The following STK3 variants were observed in gnomAD, a reference collection of about 807,000 sequenced individuals.
STK3 encodes serine/threonine-protein kinase 3.
In STK3, 41 loss-of-function variants were observed where a neutral mutation model predicts 58.0. The ratio of observed to expected loss-of-function variants is 0.71; its 90% CI spans 0.55 to 0.92. STK3 has a LOEUF of 0.92. Ranked by LOEUF, STK3 falls within the 40% of genes least tolerant of loss-of-function variation. The pLI is 0.00. For synonymous variants in STK3, 170 were observed against 191.0 expected (o/e 0.89, Z 0.91); for missense variants, 479 against 602.7 (o/e 0.79, Z 2.15).
At chr8:98,419,650 C>T (rs562674498) in intron 3 of STK3, among the ~76,000 whole-genome samples, 1 of 152,298 alleles carries the variant, frequency 6.6e-6, no homozygotes, top group East Asian at 1.9e-4. Context: ...CTTTCCTGTG[C>T]CCCCTGTCTC....
intron 6 of STK3, among the ~76,000 whole-genome samples, chr8:98,613,920 A>G (rs1817415849): frequency 6.6e-6 from 1 of 152,202 alleles, no homozygotes; most frequent in African/African-American, 2.4e-5. Flanking sequence ...GATAAAGGAG[A>G]CTTCAGCAAA....
At chr8:98,491,187 G>C (rs934291035) in intron 10 of STK3, among the ~76,000 whole-genome samples, 2 of 151,080 alleles carry the variant, frequency 1.3e-5, no homozygotes, top group Admixed American at 6.6e-5. Context: ...GAGAGAGAGA[G>C]AGAGAGAGAG....
At chr8:98,420,725 T>G (rs1586554825) in intron 3 of STK3, among the ~76,000 whole-genome samples, 1 of 151,896 alleles carries the variant, frequency 6.6e-6, no homozygotes, top group East Asian at 1.9e-4. Flanking sequence ...TTAAATGAGG[T>G]AATAATAGTA....
intron 3 of STK3, among the ~76,000 whole-genome samples, chr8:98,877,482 T>G (rs544736358): frequency 1.9e-4 from 29 of 152,100 alleles, no homozygotes; most frequent in African/African-American, 3.9e-4. Context: ...TTTTTTTGTT[T>G]GTTTTTTTGG....
chr8:98,766,611 T>C (rs1362731818), intron 3 of STK3, among the ~76,000 whole-genome samples: 1 of 152,194 alleles, frequency 6.6e-6, no homozygotes, highest in East Asian at 1.9e-4. Context: ...AGAAAGGGTC[T>C]CACTATGTTG....
chr8:98,591,146 C>A (rs1195453631), intron 7 of STK3, among the ~76,000 whole-genome samples: 2 of 152,166 alleles, frequency 1.3e-5, no homozygotes, highest in African/African-American at 4.8e-5. Context: ...GATATTTTCC[C>A]AGGCTAGTAA....
chr8:98,478,198 G>C (rs903720025), intron 10 of STK3, among the ~76,000 whole-genome samples: 4 of 152,152 alleles, frequency 2.6e-5, no homozygotes, highest in African/African-American at 9.7e-5. Context: ...CTGTAAGGAA[G>C]AATTCCAACC....
chr8:98,654,271 C>A (rs545022844), intron 6 of STK3, among the ~76,000 whole-genome samples: 1 of 152,190 alleles, frequency 6.6e-6, no homozygotes, highest in South Asian at 2.1e-4. Flanking sequence ...AGGCCTTTGA[C>A]AAAATTCAAC....
intron 1 of STK3, among the ~76,000 whole-genome samples, chr8:98,814,111 C>T (rs1834394156): frequency 6.6e-6 from 1 of 152,062 alleles, no homozygotes; most frequent in African/African-American, 2.4e-5. Context: ...AGTGCAGTGG[C>T]ATGATCTCAG....
chr8:98,383,006 A>T lies in STK3; in HGVS notation n.57-3799T>A, dbSNP rs1008277379. Among the ~76,000 whole-genome samples the T allele has an allele frequency of 3.6e-4, 55 of 152,166 alleles. 1 individual carries two copies. Among genetic ancestry groups the T allele is most frequent in the African/African-American group, 1.2e-3 (50 of 41,442 alleles). Reference sequence around the variant, plus strand: ...TTACTCTGGGAACCTTCTCTGTGCCACAGCGTGAGGGCTCTGCCTGCTCCT... The same window carrying T: ...TTACTCTGGGAACCTTCTCTGTGCCTCAGCGTGAGGGCTCTGCCTGCTCCT... On this transcript the variant is annotated intron_variant and non_coding_transcript_variant, in intron 1 of 2. Coordinates refer to the STK3 transcript ENST00000518704.
intron 8 of STK3, among the ~76,000 whole-genome samples, chr8:98,549,553 G>A (rs1007232359): frequency 7.2e-5 from 11 of 151,944 alleles, no homozygotes; most frequent in African/African-American, 1.5e-4. Context: ...CATTTATAGC[G>A]TCTTTTGATG....
chr8:98,778,538 C>T (rs1831872078), intron 1 of STK3, among the ~76,000 whole-genome samples: 2 of 152,160 alleles, frequency 1.3e-5, no homozygotes, highest in Admixed American at 1.3e-4. Context: ...GGGTATATAC[C>T]CAAAGGATTA....
chr8:98,747,077 C>T (rs1217892023), intron 4 of STK3, among the ~76,000 whole-genome samples: 2 of 119,392 alleles, frequency 1.7e-5, no homozygotes, highest in Non-Finnish European at 3.5e-5. Flanking sequence ...AGTAAAATAA[C>T]AACATTTTCA....
chr8:98,415,804 A>C (rs954130949), intron 3 of STK3, among the ~76,000 whole-genome samples: 1 of 152,238 alleles, frequency 6.6e-6, no homozygotes, highest in Non-Finnish European at 1.5e-5. Flanking sequence ...AAAGTAATCT[A>C]ATATAATTAA....
intron 10 of STK3, among the ~76,000 whole-genome samples, chr8:98,460,484 A>G (rs1467491058): frequency 6.6e-6 from 1 of 152,190 alleles, no homozygotes; most frequent in Non-Finnish European, 1.5e-5. Flanking sequence ...ACGTTGGGGA[A>G]CTATTGAAAA....
intron 3 of STK3, chr8:98,875,425 G>A (rs1406871347): frequency 6.6e-6 from 1 of 152,172 alleles, no homozygotes; most frequent in East Asian, 1.9e-4. Flanking sequence ...TTTTTAAAGA[G>A]GTACTGGAAA....
intron 3 of STK3, among the ~76,000 whole-genome samples, chr8:98,859,537 T>C (rs1836849156): frequency 1.3e-5 from 2 of 152,212 alleles, no homozygotes; most frequent in African/African-American, 4.8e-5. Flanking sequence ...CCCAATGATC[T>C]GTTGACATTT....
intron 3 of STK3, among the ~76,000 whole-genome samples, chr8:98,872,413 G>T (rs1385617012): frequency 1.3e-5 from 2 of 152,170 alleles, no homozygotes; most frequent in Non-Finnish European, 2.9e-5. Context: ...GTTTCAGAAG[G>T]AATGGTACCA....
intron 3 of STK3, chr8:98,429,253 G>T: frequency 6.2e-7 from 1 of 1,614,108 alleles, no homozygotes; most frequent in Non-Finnish European, 8.5e-7. Flanking sequence ...CAACTTGAGA[G>T]TGCCATGCGC....
Sources: allele counts gnomAD v4.1 joint callset (sites outside exome capture counted in the v4.1 genomes callset), GRCh38; gene constraint gnomAD v4.1.1; transcripts MANE v1.5; gene names NCBI Gene and HGNC (gene_info 2026-07-23, HGNC 2026-07-21).